PRR16: variants seen among roughly 807,000 people sequenced by gnomAD.
PRR16 encodes the protein protein Largen.
In PRR16, 6 loss-of-function variants were observed where a neutral mutation model predicts 18.2. That is an observed-to-expected ratio of 0.33 (90% CI 0.18 to 0.65). PRR16 has a LOEUF of 0.65. Among genes scored for constraint, PRR16 ranks in the 30% least tolerant of loss-of-function variants. The pLI is 0.74. For synonymous variants in PRR16, 151 were observed against 147.8 expected, an observed-to-expected ratio of 1.02 and a Z score of -0.16; for missense variants, 412 against 376.6, an observed-to-expected ratio of 1.09 and a Z score of -0.78.
intron 1 of PRR16, chr5:120,618,546 A>G (rs1754586786): frequency 1.1e-6 from 1 of 951,292 alleles, no homozygotes; most frequent in Non-Finnish European, 1.3e-6. Flanking sequence ...TTATCTTCTC[A>G]ATCAAATTCT....
At chr5:120,790,912 A>G in the PRR16 span, 1 of 152,206 alleles carries the variant, frequency 6.6e-6, no homozygotes, top group African/African-American at 2.4e-5. Context: ...AAAAACATCT[A>G]CAGAATAACA....
chr5:120,698,278 T>A, the PRR16 span, among the ~76,000 whole-genome samples: 1 of 151,962 alleles, frequency 6.6e-6, no homozygotes, highest in Non-Finnish European at 1.5e-5. Flanking sequence ...GTAGAATGAT[T>A]GGTGATGGCC....
At chr5:120,705,684 A>G in the PRR16 span, among the ~76,000 whole-genome samples, 1 of 152,120 alleles carries the variant, frequency 6.6e-6, no homozygotes, top group Middle Eastern at 3.2e-3. Context: ...TAACAACAAC[A>G]TTATAATCAT....
At chr5:120,667,395 T>G (rs375950490) in intron 1 of PRR16, among the ~76,000 whole-genome samples, 3 of 151,378 alleles carry the variant, frequency 2.0e-5, no homozygotes, top group Non-Finnish European at 2.9e-5. Flanking sequence ...TTGATCCTTT[T>G]AAAAAACCAG....
chr5:120,785,635 C>T, the PRR16 span, among the ~76,000 whole-genome samples: 3 of 136,018 alleles, frequency 2.2e-5, no homozygotes, highest in Admixed American at 7.9e-5. Flanking sequence ...TGCAGTGGCG[C>T]GATCTCAGCT....
chr5:120,526,535 T>A lies in PRR16; in HGVS notation c.159+61890T>A, dbSNP rs114850006. The stretch of plus-strand genomic sequence containing the variant: ...ACTTACTCGTGTTATAGTGTATTAC[T>A]GAGCTCAACTGTGTGTCCAACCCTG... On this transcript the variant is annotated intron_variant, in intron 1 of 1. Transcript: ENST00000407149. Among the ~76,000 whole-genome samples, 1,490 of 152,232 alleles carry A rather than the reference T, an allele frequency of 9.8e-3. 7 individuals are homozygous for A. The highest frequency in any genetic ancestry group is 0.016 in the Non-Finnish European group (1,094 of 68,014).
At position 120,523,972 on chromosome 5, in the gene PRR16, T is replaced by C. The variant is rs1751270840; in HGVS notation, c.159+59327T>C. ...ATGTAGATCACAAGGGTCAATGTGG[T>C]ACTTGGATATGAACTTTGAACTTGG... On this transcript the variant is annotated intron_variant, in intron 1 of 1. Coordinates refer to ENST00000407149, the MANE Select transcript of PRR16 (RefSeq NM_001300783.2). Among the ~76,000 whole-genome samples, 4 of 152,138 alleles carry C rather than the reference T, an allele frequency of 2.6e-5. No individual in the cohort carries two copies. The South Asian group carries it at 8.3e-4, about 31-fold the overall frequency.
chr5:120,715,161 T>C, the PRR16 span, among the ~76,000 whole-genome samples: 1 of 152,324 alleles, frequency 6.6e-6, no homozygotes, highest in Admixed American at 6.5e-5. Context: ...TCTTTTGTTA[T>C]CATCTCCTCT....
intron 1 of PRR16, among the ~76,000 whole-genome samples, chr5:120,669,005 A>T (rs1476365192): frequency 6.6e-6 from 1 of 152,182 alleles, no homozygotes; most frequent in Admixed American, 6.5e-5. Flanking sequence ...TTTAGGAAAG[A>T]CTAATGCAGA....
chr5:120,606,904 T>TA (rs34216613), intron 1 of PRR16, among the ~76,000 whole-genome samples: 33,647 of 149,162 alleles, frequency 0.23, 4,392 homozygotes, highest in Middle Eastern at 0.39. Flanking sequence ...GACCCTTTCT[T>TA]AAAAAAAAAA....
downstream of PRR16, among the ~76,000 whole-genome samples, chr5:120,690,382 G>A (rs929640456): frequency 1.3e-4 from 20 of 152,220 alleles, no homozygotes; most frequent in African/African-American, 4.8e-4. Flanking sequence ...ATAATGCGAT[G>A]CTGAGTCTTG....
the PRR16 span, among the ~76,000 whole-genome samples, chr5:120,716,464 C>T: frequency 1.3e-5 from 2 of 152,130 alleles, no homozygotes; most frequent in South Asian, 4.1e-4. Context: ...CTTTCCTACC[C>T]CAGCTGTTTC....
At chr5:120,599,658 A>G (rs1337666459) in intron 1 of PRR16, among the ~76,000 whole-genome samples, 4 of 151,750 alleles carry the variant, frequency 2.6e-5, no homozygotes, top group African/African-American at 4.8e-5. Context: ...ATTTCTTAAC[A>G]TGTATTATCG....
the PRR16 span, among the ~76,000 whole-genome samples, chr5:120,753,060 G>A: frequency 1.3e-5 from 2 of 152,072 alleles, no homozygotes; most frequent in South Asian, 4.1e-4. Context: ...TGTGAGCAGA[G>A]GAATGATATG....
chr5:120,520,379 A>G (rs1300463523), intron 1 of PRR16, among the ~76,000 whole-genome samples: 2 of 152,054 alleles, frequency 1.3e-5, no homozygotes, highest in Non-Finnish European at 2.9e-5. Flanking sequence ...TGGATGACAG[A>G]GTAAGACTCT....
rs558850460 is a variant in PRR16 at position 120,494,913 on chromosome 5, A to T, written c.159+30268A>T. Among the ~76,000 whole-genome samples, 3 of 151,954 alleles carry T rather than the reference A, an allele frequency of 2.0e-5. No homozygotes were observed. The South Asian group carries it at 6.2e-4, about 31-fold the overall frequency. Reference sequence around the variant, plus strand: ...CAGTTCTCCACCTTTTTGTTGTACTATTTATGGATCTGTATTCTGTTCCAT... The same window carrying T: ...CAGTTCTCCACCTTTTTGTTGTACTTTTTATGGATCTGTATTCTGTTCCAT... On this transcript the variant is annotated intron_variant, in intron 1 of 1. Coordinates refer to ENST00000407149, the MANE Select transcript of PRR16 (RefSeq NM_001300783.2).
chr5:120,693,231 T>C, the PRR16 span, among the ~76,000 whole-genome samples: 15 of 152,172 alleles, frequency 9.9e-5, no homozygotes, highest in African/African-American at 3.6e-4. Flanking sequence ...GTGCTCCTGA[T>C]AGAGCACTTA....
At chr5:120,605,250 A>C (rs1351867746) in intron 1 of PRR16, among the ~76,000 whole-genome samples, 1 of 152,076 alleles carries the variant, frequency 6.6e-6, no homozygotes, top group African/African-American at 2.4e-5. Flanking sequence ...ATTTCAAAAA[A>C]TTTTTATTTT....
At chr5:120,785,820 C>T in the PRR16 span, among the ~76,000 whole-genome samples, 6 of 151,592 alleles carry the variant, frequency 4.0e-5, no homozygotes, top group Admixed American at 1.3e-4. Flanking sequence ...CCGTCCGCCT[C>T]GGACTCCCAA....
Sources: gnomAD v4.1 joint callset for allele counts (sites outside exome capture counted in the v4.1 genomes callset) on GRCh38, gnomAD v4.1.1 for gene constraint, MANE v1.5 for transcripts, NCBI Gene and HGNC (gene_info 2026-07-23, HGNC 2026-07-21) for gene names.